ALS2: variants seen among roughly 807,000 people sequenced by gnomAD.
ALS2 encodes alsin Rho guanine nucleotide exchange factor ALS2, also known as alsin.
In ALS2, 117 loss-of-function variants were observed where a neutral mutation model predicts 203.4. That is an observed-to-expected ratio of 0.58 (90% CI 0.50 to 0.67). ALS2 has a LOEUF of 0.67. ALS2 is among the 30% of genes least tolerant of loss of function. The pLI, the probability that ALS2 is intolerant of heterozygous loss-of-function variation, is 0.00. For missense variants in ALS2, 1,715 were observed against 1,989.4 expected (o/e 0.86, Z 2.62); for synonymous variants, 718 against 725.9 (o/e 0.99, Z 0.17).
At chr2:201,734,467 C>CAAAAAAAAAAAAAAAAAAA (rs576164468) in intron 12 of ALS2, among the ~76,000 whole-genome samples, 1 of 132,358 alleles carries the variant, frequency 7.6e-6, no homozygotes, top group Non-Finnish European at 1.6e-5. Context: ...CAGCCTGTCT[C>CAAAAAAAAAAAAAAAAAAA]AAAAAAAAAA....
At chr2:201,760,719 C>T in intron 4 of ALS2, 162 bp downstream of exon 4, 1 of 1,424,642 alleles carries the variant, frequency 7.0e-7, no homozygotes, top group South Asian at 1.7e-5. Context: ...TGAATTAATC[C>T]AGGTTCTTTC....
chr2:201,707,853 AC>A lies in ALS2; in HGVS notation c.4403+15del, dbSNP rs755283897. 6.8e-5 allele frequency: 109 copies of A among 1,612,124 alleles called. No homozygotes were observed. The highest frequency in any genetic ancestry group is 9.0e-5 in the Non-Finnish European group (106 of 1,178,890). On this transcript the variant is annotated intron_variant, in intron 28 of 33. Coordinates refer to ENST00000264276, the MANE Select transcript of ALS2 (RefSeq NM_020919.4). ...ACCATTCCCTTTCTTCACTGTCCCC[AC>A]CCAACTCCATTTACCCTGGCTCTGG...
At chr2:201,729,321 G>T in intron 13 of ALS2, 138 bp from the exon 14 acceptor site, 2 of 865,430 alleles carry the variant, frequency 2.3e-6, no homozygotes, top group Non-Finnish European at 1.8e-6. Context: ...GTAGCACACT[G>T]CAGGAGACTG....
intron 25 of ALS2, among the ~76,000 whole-genome samples, chr2:201,711,866 CT>C (rs1690049880): frequency 3.5e-4 from 1 of 2,860 alleles, no homozygotes; most frequent in Non-Finnish European, 1.3e-3. Context: ...AAACACCTAA[CT>C]AACAACAGTT....
intron 1 of ALS2, 132 bp downstream of exon 1, chr2:201,780,742 GCCC>G (rs528653685): frequency 6.6e-6 from 1 of 152,604 alleles, no homozygotes; most frequent in African/African-American, 2.4e-5. Context: ...GTCTCCGCAG[GCCC>G]CCCGCAGGGC....
intron 4 of ALS2, 140 bp downstream of exon 4, chr2:201,760,741 C>T (rs1345861464): frequency 1.4e-6 from 2 of 1,445,364 alleles, no homozygotes; most frequent in Non-Finnish European, 1.8e-6. Flanking sequence ...TTTATCTAGG[C>T]TTGCCTGATA....
intron 29 of ALS2, among the ~76,000 whole-genome samples, chr2:201,705,962 A>AAT (rs398105199): frequency 4.6e-5 from 7 of 151,496 alleles, no homozygotes; most frequent in African/African-American, 1.5e-4. Context: ...AAAAAAAAAA[A>AAT]TTGAGGCTTA....
intron 33 of ALS2, among the ~76,000 whole-genome samples, chr2:201,703,333 C>A (rs1331680734): frequency 6.6e-6 from 1 of 152,114 alleles, no homozygotes; most frequent in Non-Finnish European, 1.5e-5. Flanking sequence ...CTTTGTTTTA[C>A]CATTTGTTAA....
intron 25 of ALS2, among the ~76,000 whole-genome samples, chr2:201,712,697 T>C (rs913667479): frequency 2.7e-5 from 4 of 149,824 alleles, no homozygotes; most frequent in Non-Finnish European, 5.9e-5. Flanking sequence ...GCAATGCTTG[T>C]GGGAGTTACT....
Position 201,727,203 on chromosome 2 carries a change from T to C in ALS2, c.2979+9A>G, listed in dbSNP as rs202192635. 6.2e-6 allele frequency: 10 copies of C among 1,607,744 alleles called. No homozygotes were observed. Among genetic ancestry groups the C allele is most frequent in the East Asian group, 2.2e-5 (1 of 44,832 alleles). On this transcript the variant is annotated intron_variant, in intron 17 of 33. Coordinates refer to ENST00000264276, the MANE Select transcript of ALS2 (RefSeq NM_020919.4). ...CGAAGATTGAAGGAAAATACCATAATAGACTAACCTTTTCCTGGGGTGTAG... is the reference window on the plus strand; with the variant it reads ...CGAAGATTGAAGGAAAATACCATAACAGACTAACCTTTTCCTGGGGTGTAG...
chr2:201,756,814 G>A (rs953388028), intron 5 of ALS2, among the ~76,000 whole-genome samples: 2 of 152,204 alleles, frequency 1.3e-5, no homozygotes, highest in Non-Finnish European at 2.9e-5. Flanking sequence ...GATTCAGTAA[G>A]TCGAGAGTGG....
intron 25 of ALS2, 48 bp from the exon 26 acceptor site, chr2:201,711,156 A>C (rs748418593): frequency 8.6e-7 from 1 of 1,166,924 alleles, no homozygotes; most frequent in Non-Finnish European, 1.3e-6. Context: ...TCAAGAAAGC[A>C]AGATACGTGT....
intron 11 of ALS2, among the ~76,000 whole-genome samples, chr2:201,740,583 T>C (rs1172533593): frequency 1.3e-5 from 2 of 152,228 alleles, no homozygotes; most frequent in African/African-American, 4.8e-5. Context: ...CAAGTTCTAT[T>C]ATTTTTATTT....
chr2:201,747,462 C>CTT (rs35304479), intron 8 of ALS2, among the ~76,000 whole-genome samples: 3 of 133,724 alleles, frequency 2.2e-5, no homozygotes, highest in African/African-American at 8.3e-5. Context: ...CACTCGGTCG[C>CTT]TTTTTTTTTT....
intron 3 of ALS2, among the ~76,000 whole-genome samples, chr2:201,764,413 C>A (rs535812758): frequency 6.0e-4 from 91 of 151,956 alleles, no homozygotes; most frequent in Middle Eastern, 3.4e-3. Flanking sequence ...AGGCGAATCA[C>A]TAGGTCAGGA....
At chr2:201,762,270 T>A (rs980307719) in intron 3 of ALS2, among the ~76,000 whole-genome samples, 2 of 152,202 alleles carry the variant, frequency 1.3e-5, no homozygotes, top group Non-Finnish European at 2.9e-5. Context: ...CAGCAAAAAA[T>A]TATGCAATGG....
At chr2:201,723,021 A>G (rs1339016952) in intron 23 of ALS2, 22 bp downstream of exon 23, 2 of 1,562,826 alleles carry the variant, frequency 1.3e-6, no homozygotes, top group Admixed American at 3.6e-5. Flanking sequence ...AGGGAGAAAA[A>G]AAAAGAAAGC....
At chr2:201,753,399 T>C (rs1274320150) in intron 6 of ALS2, among the ~76,000 whole-genome samples, 157 bp from the exon 7 acceptor site, 1 of 152,210 alleles carries the variant, frequency 6.6e-6, no homozygotes, top group African/African-American at 2.4e-5. Flanking sequence ...CTCCTAAATA[T>C]CATGAATAAT....
chr2:201,742,281 A>T (rs745725195), intron 10 of ALS2, among the ~76,000 whole-genome samples: 2 of 152,210 alleles, frequency 1.3e-5, no homozygotes, highest in Non-Finnish European at 2.9e-5. Context: ...ATATCTTTGT[A>T]AACATTTTCA....
Sources: allele counts gnomAD v4.1 joint callset (sites outside exome capture counted in the v4.1 genomes callset), GRCh38; gene constraint gnomAD v4.1.1; transcripts MANE v1.5; gene names NCBI Gene and HGNC (gene_info 2026-07-23, HGNC 2026-07-21).